IGSF11: variants seen among roughly 807,000 people sequenced by gnomAD.
IGSF11 encodes the protein CXADR like 1.
A neutral mutation model predicts 41.0 loss-of-function variants in IGSF11; 22 were observed. The observed-to-expected ratio is 0.54, with a 90% confidence interval of 0.38 to 0.77. The LOEUF (loss-of-function observed/expected upper bound fraction) is 0.77, where lower values mean the gene tolerates loss of function less well. Among genes scored for constraint, IGSF11 ranks in the 30% least tolerant of loss-of-function variants. The pLI is 0.00. For synonymous variants in IGSF11, 219 were observed against 201.3 expected (o/e 1.09, Z -0.74); for missense variants, 444 against 530.8 (o/e 0.84, Z 1.61).
At chr3:119,022,619 C>G (rs549812001) in intron 1 of IGSF11, among the ~76,000 whole-genome samples, 1 of 152,074 alleles carries the variant, frequency 6.6e-6, no homozygotes, top group African/African-American at 2.4e-5. Flanking sequence ...GGAAAAGGTG[C>G]GTAACCTCAT....
intron 1 of IGSF11, among the ~76,000 whole-genome samples, chr3:118,941,268 CT>C (rs1559933011): frequency 6.6e-6 from 1 of 152,004 alleles, no homozygotes; most frequent in Non-Finnish European, 1.5e-5. Flanking sequence ...TCTAAAAACT[CT>C]TAAAATTCAA....
chr3:118,968,965 T>C (rs926164587), intron 1 of IGSF11, among the ~76,000 whole-genome samples: 2 of 152,174 alleles, frequency 1.3e-5, no homozygotes, highest in Non-Finnish European at 2.9e-5. Flanking sequence ...ATTCATCTCA[T>C]ACACATAATG....
chr3:118,993,622 T>A (rs539798737), intron 1 of IGSF11, among the ~76,000 whole-genome samples: 1 of 152,208 alleles, frequency 6.6e-6, no homozygotes, highest in South Asian at 2.1e-4. Context: ...CATCAACTGA[T>A]GAATGAAAAA....
chr3:119,112,028 C>T (rs1256424024), intron 1 of IGSF11, among the ~76,000 whole-genome samples: 1 of 152,202 alleles, frequency 6.6e-6, no homozygotes, highest in South Asian at 2.1e-4. Flanking sequence ...AGTTAGGCTG[C>T]TCGGGGGTCA....
intron 1 of IGSF11, among the ~76,000 whole-genome samples, chr3:119,089,786 A>C (rs2076733450): frequency 6.6e-6 from 1 of 152,202 alleles, no homozygotes; most frequent in Admixed American, 6.5e-5. Context: ...GCACTTTGGG[A>C]GGCCAAGGCA....
At position 119,072,892 on chromosome 3, in the gene IGSF11, T is replaced by A. The variant is rs573597721; in HGVS notation, c.49+32252A>T. ...TCTGGCCCCACCCACATCCTGCTGATTGGTCTATTTTACAGAGAGCTGATT... is the reference window on the plus strand; with the variant it reads ...TCTGGCCCCACCCACATCCTGCTGAATGGTCTATTTTACAGAGAGCTGATT... On this transcript the variant is annotated intron_variant, in intron 1 of 6. Coordinates refer to the IGSF11 transcript ENST00000354673. Among the ~76,000 whole-genome samples the A allele has an allele frequency of 4.6e-5, 7 of 152,268 alleles. No individual in the cohort carries two copies. In the South Asian group the frequency reaches 1.4e-3, roughly 32 times the overall value.
At chr3:119,049,378 T>C (rs1405465807) in intron 1 of IGSF11, among the ~76,000 whole-genome samples, 1 of 152,056 alleles carries the variant, frequency 6.6e-6, no homozygotes, top group Non-Finnish European at 1.5e-5. Context: ...AGCCAAATCA[T>C]GAGTGAACTC....
intron 1 of IGSF11, among the ~76,000 whole-genome samples, chr3:119,082,191 C>G (rs1389757560): frequency 6.6e-6 from 1 of 151,628 alleles, no homozygotes; most frequent in Non-Finnish European, 1.5e-5. Flanking sequence ...AATGGCTTAC[C>G]AAAAAGTAAA....
intron 4 of IGSF11, among the ~76,000 whole-genome samples, chr3:118,912,659 G>C (rs982536907): frequency 6.6e-6 from 1 of 152,092 alleles, no homozygotes; most frequent in Non-Finnish European, 1.5e-5. Context: ...GTTCACATGA[G>C]GGAAACAGGA....
intron 1 of IGSF11, among the ~76,000 whole-genome samples, chr3:119,072,607 C>A (rs1011887449): frequency 6.6e-6 from 1 of 152,110 alleles, no homozygotes; most frequent in African/African-American, 2.4e-5. Context: ...CGCATACCTT[C>A]GTGGTAAGTG....
intron 1 of IGSF11, among the ~76,000 whole-genome samples, chr3:119,111,377 T>C (rs1257719795): frequency 6.6e-6 from 1 of 152,250 alleles, no homozygotes; most frequent in Admixed American, 6.5e-5. Context: ...TTCCAGTTGA[T>C]CGCATCAGCT....
chr3:119,101,475 C>T (rs2076939501), intron 1 of IGSF11, among the ~76,000 whole-genome samples: 1 of 152,292 alleles, frequency 6.6e-6, no homozygotes, highest in East Asian at 1.9e-4. Context: ...TCCCATCCCG[C>T]ACTCCAGCCT....
rs888130721 is a variant in IGSF11 at position 118,946,270 on chromosome 3, G to A, written c.53-15995C>T. ...AATCCGGAAAAATGAATTCAGTAATGTTTTTTTAAAAAAATCACACAACTT... is the reference window on the plus strand; with the variant it reads ...AATCCGGAAAAATGAATTCAGTAATATTTTTTTAAAAAAATCACACAACTT... On this transcript the variant is annotated intron_variant, in intron 1 of 6. Coordinates refer to ENST00000393775, the MANE Select transcript of IGSF11 (RefSeq NM_001015887.3). Among the ~76,000 whole-genome samples the A allele has an allele frequency of 6.6e-5, 9 of 135,770 alleles. 1 individual carries two copies. Among genetic ancestry groups the A allele is most frequent in the East Asian group, 2.1e-4 (1 of 4,854 alleles). The allele number at this position is 135,770 out of a possible 152,430, so 89.1% of individuals were successfully genotyped here.
chr3:119,079,471 T>C (rs560204926), intron 1 of IGSF11, among the ~76,000 whole-genome samples: 2 of 152,304 alleles, frequency 1.3e-5, no homozygotes, highest in Non-Finnish European at 2.9e-5. Context: ...TGGAAAGCAG[T>C]TTGGAGATTT....
At chr3:119,074,873 A>G (rs1434773175) in intron 1 of IGSF11, among the ~76,000 whole-genome samples, 1 of 151,424 alleles carries the variant, frequency 6.6e-6, no homozygotes, top group African/African-American at 2.4e-5. Context: ...TAAAATAAAC[A>G]AAAAAAAAGT....
At chr3:119,140,449 A>G (rs947898450) in intron 1 of IGSF11, among the ~76,000 whole-genome samples, 3 of 152,218 alleles carry the variant, frequency 2.0e-5, no homozygotes, top group Non-Finnish European at 2.9e-5. Flanking sequence ...TAGCCCTAAC[A>G]ACAGAACCCC....
At chr3:118,957,819 G>A (rs183249796) in intron 1 of IGSF11, among the ~76,000 whole-genome samples, 402 of 152,278 alleles carry the variant, frequency 2.6e-3, no homozygotes, top group Non-Finnish European at 4.4e-3. Flanking sequence ...ACAAAGGAAC[G>A]CCTGGTTTTG....
intron 1 of IGSF11, among the ~76,000 whole-genome samples, chr3:118,968,915 G>T (rs1933035864): frequency 6.6e-6 from 1 of 152,156 alleles, no homozygotes; most frequent in Non-Finnish European, 1.5e-5. Context: ...GTGTGGTAGA[G>T]ACATAGAAAT....
chr3:118,921,527 A>G (rs561598441), intron 4 of IGSF11, among the ~76,000 whole-genome samples: 6 of 152,146 alleles, frequency 3.9e-5, no homozygotes, highest in Non-Finnish European at 8.8e-5. Context: ...GGACTTACAC[A>G]TGCCAGCTGC....
Sources: gnomAD v4.1 joint callset for allele counts (sites outside exome capture counted in the v4.1 genomes callset) on GRCh38, gnomAD v4.1.1 for gene constraint, MANE v1.5 for transcripts, NCBI Gene and HGNC (gene_info 2026-07-23, HGNC 2026-07-21) for gene names.